Variants in RELA observed in about 807,000 individuals in gnomAD.
RELA encodes the protein transcription factor p65.
Under a neutral mutation model 56.7 loss-of-function variants are expected in RELA, and 14 were observed. The observed-to-expected ratio is 0.25, with a 90% CI of 0.16 to 0.39. The LOEUF (loss-of-function observed/expected upper bound fraction) is 0.39. RELA is among the 10% of genes least tolerant of loss of function. The probability of loss-of-function intolerance (pLI) is 1.00; values close to 1 mark genes in which losing one functional copy is unlikely to be tolerated. For synonymous variants in RELA, 315 were observed against 289.7 expected, an observed-to-expected ratio of 1.09 and a Z score of -0.89; for missense variants, 559 against 736.4, an observed-to-expected ratio of 0.76 and a Z score of 2.79.
Position 65,654,150 on chromosome 11 carries a change from C to T in RELA, c.*228G>A, listed in dbSNP as rs1856353045. The T allele has an allele frequency of 2.7e-5, 17 of 621,602 alleles. No individual in the cohort carries two copies. The South Asian group carries it at 2.9e-4, about 11-fold the overall frequency. The allele number at this position is 621,602 out of a possible 1,614,324, so 38.5% of individuals were successfully genotyped here. On this transcript the variant is annotated 3_prime_UTR_variant, in exon 11 of 11. Transcript: ENST00000406246. Reference sequence around the variant, plus strand: ...GGACAGGGGAAAAGTTTGAGTTTCCCCAGCTCCCCCCTTTCCAGAGAAGTT... The same window carrying T: ...GGACAGGGGAAAAGTTTGAGTTTCCTCAGCTCCCCCCTTTCCAGAGAAGTT...
In RELA at chr11:65,662,026, G is replaced by A; in HGVS notation, c.97C>T (p.Arg33Cys). Reference protein sequence around the residue: ...IIEQPKQRGMRFRYKCEGRSA... With the variant: ...IIEQPKQRGMCFRYKCEGRSA... Reference sequence around the variant, plus strand: ...CGCCCCTCGCACTTGTAGCGGAAGCGCATGCCCCGCTGCTTGGGCTGCTCA... The same window carrying A: ...CGCCCCTCGCACTTGTAGCGGAAGCACATGCCCCGCTGCTTGGGCTGCTCA... Residue 33 changes from arginine (R) to cysteine (C), a missense_variant, in exon 3 of 11, where the codon CGC becomes TGC. Arg to Cys is a radical substitution (Grantham distance 180). Coordinates refer to ENST00000406246, the MANE Select transcript of RELA (RefSeq NM_021975.4). The A allele has an allele frequency of 6.2e-7, 1 of 1,613,020 alleles. No individual in the cohort carries two copies. Among genetic ancestry groups the A allele is most frequent in the Non-Finnish European group, 8.5e-7 (1 of 1,179,688 alleles).
At chr11:65,662,320 G>A in intron 1 of RELA, 115 bp from the exon 2 acceptor site, 1 of 1,278,590 alleles carries the variant, frequency 7.8e-7, no homozygotes, top group East Asian at 2.8e-5. Flanking sequence ...ACTGAGTCAG[G>A]ACCTGCTCCC....
In RELA at chr11:65,662,161, G is replaced by A. The variant is rs201793809; in HGVS notation, c.34+18C>T. 6.9e-6 allele frequency: 11 copies of A among 1,588,404 alleles called. No individual in the cohort carries two copies. The highest frequency in any genetic ancestry group is 9.4e-6 in the Non-Finnish European group (11 of 1,171,810). On this transcript the variant is annotated intron_variant, in intron 2 of 10. Transcript: ENST00000406246. ...TACCCCAGGGAGCACCTCCCCGACC[G>A]CCGCGGGGGCCACTTACCTGCCGGG...
chr11:65,662,843 C>CCGGGGG lies in RELA; in HGVS notation c.-17_-12dup. Reference sequence around the variant, plus strand: ...GACCTCACCGTCCATGGCCGGGGTCCCGGGGGCGGGGCCGGGGTCGCAGCT... The same window carrying CCGGGGG: ...GACCTCACCGTCCATGGCCGGGGTCCCGGGGGCGGGGGCGGGGCCGGGGTCGCAGCT... On this transcript the variant is annotated 5_prime_UTR_variant, in exon 1 of 11. Transcript: ENST00000406246. 1 of 1,197,206 alleles carries CCGGGGG rather than the reference C, an allele frequency of 8.4e-7. No individual in the cohort carries two copies. 74.2% of individuals were successfully genotyped at this position (1,197,206 alleles called of 1,614,324 possible). A position where few individuals can be genotyped will look rare whatever the true frequency, so the allele number is the denominator to read the frequency against.
Position 65,658,299 on chromosome 11 carries a change from G to T in RELA, c.865C>A (p.Leu289Met). The change falls in exon 8 of 11, where the codon CTG becomes ATG. Residue 289 changes from leucine (L) to methionine (M), a missense_variant. Around this residue, in one of 4 missense-constraint regions of RELA, gnomAD observed 365 missense variants for 387.5 expected, o/e 0.94. Transcript: ENST00000406246. The surrounding 1 kb of genome is among the most constrained non-coding windows in gnomAD (Gnocchi z 4.5). ...ELSEPMEFQY[L>M]PDTDDRHRIE... ...CCCAGCTGTGTACCTGTATCTGGCA[G>T]GTACTGGAATTCCATGGGCTCACTG... The T allele has an allele frequency of 1.2e-6, 2 of 1,600,084 alleles. No individual in the cohort carries two copies. The highest frequency in any genetic ancestry group is 1.7e-6 in the Non-Finnish European group (2 of 1,174,356).
Position 65,658,213 on chromosome 11 carries a change from C to G in RELA, c.877+74G>C. ...AGCTTCTGGCCCTCAACCACAGCCC[C>G]AGACATGCAGTCTTGGCCTCTCTCT... On this transcript the variant is annotated intron_variant, in intron 8 of 10. Transcript: ENST00000406246. The surrounding 1 kb of genome is among the most constrained non-coding windows in gnomAD (Gnocchi z 4.5). 1 of 1,174,602 alleles carries G rather than the reference C, an allele frequency of 8.5e-7. No individual in the cohort carries two copies. Among genetic ancestry groups the G allele is most frequent in the South Asian group, 1.5e-5 (1 of 66,312 alleles). 72.8% of individuals were successfully genotyped at this position (1,174,602 alleles called of 1,614,324 possible).
At position 65,654,300 on chromosome 11, in the gene RELA, C is replaced by A; in HGVS notation, c.*78G>T. 1 of 1,592,568 alleles carries A rather than the reference C, an allele frequency of 6.3e-7. No homozygotes were observed. Among genetic ancestry groups the A allele is most frequent in the East Asian group, 2.2e-5 (1 of 44,586 alleles). ...AGTTGGGGGCAGTTGGAACACACCC[C>A]ACCAGAATCCGTAAGTGCTTTTGGA... On this transcript the variant is annotated 3_prime_UTR_variant, in exon 11 of 11. Coordinates refer to ENST00000406246, the MANE Select transcript of RELA (RefSeq NM_021975.4).
chr11:65,654,203 A>G lies in RELA; in HGVS notation c.*175T>C. 1 of 826,542 alleles carries G rather than the reference A, an allele frequency of 1.2e-6. No homozygotes were observed. The highest frequency in any genetic ancestry group is 1.5e-5 in the South Asian group (1 of 68,816). The allele number at this position is 826,542 out of a possible 1,614,324, so 51.2% of individuals were successfully genotyped here. A position where few individuals can be genotyped will look rare whatever the true frequency, so the allele number is the denominator to read the frequency against. On this transcript the variant is annotated 3_prime_UTR_variant, in exon 11 of 11. Transcript: ENST00000406246. ...TGCTTCTGCTTAAGCACCTCCAAAAAGAGAGAGAGATACAGATACTGACAA... is the reference window on the plus strand; with the variant it reads ...TGCTTCTGCTTAAGCACCTCCAAAAGGAGAGAGAGATACAGATACTGACAA...
In RELA at chr11:65,658,813, T is replaced by C; in HGVS notation, c.569A>G (p.Asn190Ser). The C allele has an allele frequency of 6.2e-7, 1 of 1,613,622 alleles. No individual in the cohort carries two copies. The highest frequency in any genetic ancestry group is 8.5e-7 in the Non-Finnish European group (1 of 1,179,844). ...SHPIFDNRAPNTAELKICRVN... is the reference protein window; with the variant it reads ...SHPIFDNRAPSTAELKICRVN... The stretch of plus-strand genomic sequence containing the variant: ...TCGGCAGATCTTGAGCTCGGCAGTG[T>C]TGGGGGCACCTGAGGCAGTGAAAAC... The change falls in exon 7 of 11, where the codon AAC (asparagine) becomes AGC (serine). Residue 190 changes from asparagine (N) to serine (S), a missense_variant. Asn to Ser is a conservative substitution (Grantham distance 46). Coordinates refer to ENST00000406246, the MANE Select transcript of RELA (RefSeq NM_021975.4). This position sits in a 1 kb window ranked among gnomAD's most constrained non-coding sequence, Gnocchi z 4.5.
intron 1 of RELA, 67 bp downstream of exon 1, chr11:65,662,758 CG>C (rs1856606717): frequency 1.7e-6 from 2 of 1,165,736 alleles, no homozygotes; most frequent in Non-Finnish European, 2.1e-6. Context: ...GAAAGCGGCG[CG>C]GGGGCTCCCG....
chr11:65,657,587 C>T (rs1463595135), intron 8 of RELA, among the ~76,000 whole-genome samples: 2 of 152,208 alleles, frequency 1.3e-5, no homozygotes, highest in Non-Finnish European at 2.9e-5. Context: ...TGCCAACACC[C>T]CTTCCCTTCC....
Position 65,659,780 on chromosome 11 carries a change from G to A in RELA, c.445C>T (p.Arg149Cys), listed in dbSNP as rs1365998197. The part of the protein sequence containing the change: ...NPFQVPIEEQ[R>C]GDYDLNAVRL... ...ACAGCATTCAGGTCGTAGTCCCCAC[G>A]CTGCTCTTCTATAGGAACTGCCAAG... The change falls in exon 6 of 11, where the codon CGT becomes TGT. Residue 149 changes from arginine (R) to cysteine (C), a missense_variant. Coordinates refer to ENST00000406246, the MANE Select transcript of RELA (RefSeq NM_021975.4). The A allele has an allele frequency of 1.1e-5, 17 of 1,612,876 alleles. No homozygotes were observed. Among genetic ancestry groups the A allele is most frequent in the African/African-American group, 1.3e-5 (1 of 74,928 alleles).
chr11:65,662,281 G>C (rs1215067265), intron 1 of RELA, 76 bp from the exon 2 acceptor site: 27 of 1,439,316 alleles, frequency 1.9e-5, no homozygotes, highest in Non-Finnish European at 2.3e-5. Context: ...TCTCCACGGA[G>C]AGGAGAAGCC....
chr11:65,662,353 G>A (rs994597226), intron 1 of RELA, 148 bp from the exon 2 acceptor site: 12 of 939,640 alleles, frequency 1.3e-5, no homozygotes, highest in Non-Finnish European at 1.8e-5. Flanking sequence ...TGAAACTAAG[G>A]GGTGGAGGAA....
rs141090784 is a variant in RELA at position 65,658,605 on chromosome 11, G to A, written c.665-106C>T. 1 of 1,360,714 alleles carries A rather than the reference G, an allele frequency of 7.3e-7. No homozygotes were observed. Among genetic ancestry groups the A allele is most frequent in the Non-Finnish European group, 1.0e-6 (1 of 962,008 alleles). 84.3% of individuals were successfully genotyped at this position (1,360,714 alleles called of 1,614,324 possible). On this transcript the variant is annotated intron_variant, in intron 7 of 10. Coordinates refer to ENST00000406246, the MANE Select transcript of RELA (RefSeq NM_021975.4). The surrounding 1 kb of genome is among the most constrained non-coding windows in gnomAD (Gnocchi z 4.5). ...TGATACATCACCCTTCGGCCCACCT[G>A]AGGCCCCCGAGGCACAGGAGGAAGT... is the stretch of plus-strand genomic sequence containing the variant.
intron 2 of RELA, 41 bp from the exon 3 acceptor site, chr11:65,662,129 A>G (rs770249528): frequency 1.2e-6 from 2 of 1,602,368 alleles, no homozygotes; most frequent in African/African-American, 2.7e-5. Context: ...GGCTGCCCCC[A>G]CTGCCCTACC....
chr11:65,658,854 G>A lies in RELA; in HGVS notation c.560-32C>T. 6.4e-7 allele frequency: 1 copy of A among 1,573,266 alleles called. No homozygotes were observed. The highest frequency in any genetic ancestry group is 1.1e-5 in the South Asian group (1 of 90,276). On this transcript the variant is annotated intron_variant, in intron 6 of 10. Transcript: ENST00000406246. The surrounding 1 kb of genome is among the most constrained non-coding windows in gnomAD (Gnocchi z 4.5). Reference sequence around the variant, plus strand: ...CAGTGAAAACAAGGGAGGATGACCTGAGCCACGAGAGGTCCCCAGGGTGGC... The same window carrying A: ...CAGTGAAAACAAGGGAGGATGACCTAAGCCACGAGAGGTCCCCAGGGTGGC...
Position 65,658,846 on chromosome 11 carries a change from G to A in RELA, c.560-24C>T. 1 of 1,603,608 alleles carries A rather than the reference G, an allele frequency of 6.2e-7. No homozygotes were observed. Among genetic ancestry groups the A allele is most frequent in the Non-Finnish European group, 8.5e-7 (1 of 1,170,610 alleles). ...ACCTGAGGCAGTGAAAACAAGGGAG[G>A]ATGACCTGAGCCACGAGAGGTCCCC... On this transcript the variant is annotated intron_variant, in intron 6 of 10. Coordinates refer to ENST00000406246, the MANE Select transcript of RELA (RefSeq NM_021975.4). The surrounding 1 kb of genome is among the most constrained non-coding windows in gnomAD (Gnocchi z 4.5).
chr11:65,656,214 C>T (rs961420689), intron 8 of RELA, among the ~76,000 whole-genome samples: 2 of 152,194 alleles, frequency 1.3e-5, no homozygotes, highest in African/African-American at 4.8e-5. Context: ...GGGGCCCCAG[C>T]CTCCAGCTCA....
Sources: gnomAD v4.1 joint callset for allele counts (sites outside exome capture counted in the v4.1 genomes callset) on GRCh38, gnomAD v4.1.1 for gene constraint, gnomAD v4.1.1 regional missense constraint, Gnocchi (gnomAD v3.1) non-coding constraint, MANE v1.5 for transcripts, NCBI Gene and HGNC (gene_info 2026-07-23, HGNC 2026-07-21) for gene names.